The following SLC12A8 variants were observed in gnomAD, a reference collection of about 807,000 sequenced individuals.
SLC12A8 encodes cation-chloride cotransporter 9.
In SLC12A8, 69 loss-of-function variants were observed where a neutral mutation model predicts 75.6. The ratio of observed to expected loss-of-function variants is 0.91; its 90% confidence interval spans 0.75 to 1.11. SLC12A8 has a LOEUF of 1.11. Among genes scored for constraint, SLC12A8 ranks in the 50% most tolerant of loss-of-function variants. The probability of loss-of-function intolerance (pLI) is 0.00; values close to 1 mark genes in which losing one functional copy is unlikely to be tolerated. For synonymous variants in SLC12A8, 365 were observed against 372.8 expected (o/e 0.98, Z 0.24); for missense variants, 877 against 896.7 (o/e 0.98, Z 0.28).
chr3:125,146,215 T>C (rs1285217962), intron 5 of SLC12A8, among the ~76,000 whole-genome samples: 3 of 152,190 alleles, frequency 2.0e-5, no homozygotes, highest in East Asian at 1.9e-4. Context: ...AAAACAAAAC[T>C]GTAGATAAGG....
intron 9 of SLC12A8, among the ~76,000 whole-genome samples, chr3:125,109,559 A>G (rs373606046): frequency 3.3e-4 from 51 of 152,324 alleles, no homozygotes; most frequent in Admixed American, 8.5e-4. Context: ...AATGAACTCT[A>G]GCTTGCAAAC....
chr3:125,211,321 A>G lies in SLC12A8; in HGVS notation c.29T>C (p.Leu10Pro), dbSNP rs1424148924. 3 of 1,613,748 alleles carry G rather than the reference A, an allele frequency of 1.9e-6. No individual in the cohort carries two copies. Among genetic ancestry groups the G allele is most frequent in the Non-Finnish European group, 2.5e-6 (3 of 1,179,990 alleles). ...TACCTGCTGGGCTGCCTCATGGAAG[A>G]GCTCCTGCACCTGGGACATCTGGGT... MTQMSQVQE[L>P]FHEAAQQDAL... Residue 10 changes from leucine (L) to proline (P), a missense_variant, in exon 2 of 14, where the codon CTC becomes CCC. Transcript: ENST00000469902.
At chr3:125,098,934 G>A (rs183910605) in intron 10 of SLC12A8, among the ~76,000 whole-genome samples, 1 of 152,330 alleles carries the variant, frequency 6.6e-6, no homozygotes, top group East Asian at 1.9e-4. Context: ...CAGAAGACCA[G>A]CAGAAATTTA....
intron 4 of SLC12A8, among the ~76,000 whole-genome samples, chr3:125,179,928 A>G (rs1934618142): frequency 6.6e-6 from 1 of 152,210 alleles, no homozygotes; most frequent in Admixed American, 6.5e-5. Flanking sequence ...AAATGTAGCA[A>G]TGGATACCAT....
At chr3:125,204,184 T>G (rs1935182925) in intron 2 of SLC12A8, among the ~76,000 whole-genome samples, 1 of 152,108 alleles carries the variant, frequency 6.6e-6, no homozygotes, top group African/African-American at 2.4e-5. Flanking sequence ...GGAAGCTCAT[T>G]AAAAATTAAA....
At chr3:125,103,506 C>T (rs867010038) in intron 10 of SLC12A8, among the ~76,000 whole-genome samples, 4 of 150,590 alleles carry the variant, frequency 2.7e-5, no homozygotes, top group Middle Eastern at 3.4e-3. Context: ...ACCCTGTCAC[C>T]AAGGCTGGAG....
At chr3:125,189,976 G>A (rs1934875941) in intron 3 of SLC12A8, among the ~76,000 whole-genome samples, 1 of 152,136 alleles carries the variant, frequency 6.6e-6, no homozygotes, top group Non-Finnish European at 1.5e-5. Context: ...TACCTACAGG[G>A]TTGCAGTGTG....
At chr3:125,144,477 C>G (rs867816737) in intron 5 of SLC12A8, among the ~76,000 whole-genome samples, 2 of 152,112 alleles carry the variant, frequency 1.3e-5, no homozygotes, top group Non-Finnish European at 2.9e-5. Context: ...CCCACAGAGC[C>G]CCCACTAGCC....
At chr3:125,130,108 A>G (rs1933315639) in intron 6 of SLC12A8, among the ~76,000 whole-genome samples, 1 of 152,232 alleles carries the variant, frequency 6.6e-6, no homozygotes, top group Non-Finnish European at 1.5e-5. Flanking sequence ...TGTAGTTACA[A>G]TCTATGCGCT....
rs1484927827 is a variant in SLC12A8, at chr3:125,125,201, C to G, written c.737-4515G>C. Among the ~76,000 whole-genome samples the G allele has an allele frequency of 2.8e-4, 42 of 151,680 alleles. 2 individuals are homozygous for G. The highest frequency in any genetic ancestry group is 2.8e-3 in the Admixed American group (42 of 15,244). ...CACAGTTTGGGAAACACTCAGTGCC[C>G]ATTTTATAATTACTATTTGGTCTCG... On this transcript the variant is annotated intron_variant, in intron 6 of 13. Coordinates refer to ENST00000469902, the MANE Select transcript of SLC12A8 (RefSeq NM_024628.6).
At chr3:125,132,049 A>G (rs1180987249) in intron 6 of SLC12A8, among the ~76,000 whole-genome samples, 1 of 152,198 alleles carries the variant, frequency 6.6e-6, no homozygotes, top group Non-Finnish European at 1.5e-5. Flanking sequence ...GAAAGGCCCT[A>G]TGGACAGGAC....
chr3:125,165,888 C>T (rs991986041), intron 5 of SLC12A8, among the ~76,000 whole-genome samples: 1 of 152,184 alleles, frequency 6.6e-6, no homozygotes, highest in African/African-American at 2.4e-5. Flanking sequence ...GGAACAGCCA[C>T]CTGGGGAGAT....
At chr3:125,137,557 G>A (rs1277145448) in intron 5 of SLC12A8, among the ~76,000 whole-genome samples, 1 of 152,110 alleles carries the variant, frequency 6.6e-6, no homozygotes, top group East Asian at 1.9e-4. Context: ...GTGCAGGTCG[G>A]AAAGCACATC....
intron 5 of SLC12A8, among the ~76,000 whole-genome samples, chr3:125,175,158 G>A (rs955432221): frequency 6.6e-6 from 1 of 152,064 alleles, no homozygotes; most frequent in African/African-American, 2.4e-5. Flanking sequence ...GTCATTTGAA[G>A]GAAAAGTAGA....
rs751918111 is a variant in SLC12A8 at position 125,177,864 on chromosome 3, G to T, written c.501C>A (p.Ala167=). 6.2e-7 allele frequency: 1 copy of T among 1,614,200 alleles called. No homozygotes were observed. Among genetic ancestry groups the T allele is most frequent in the South Asian group, 1.1e-5 (1 of 91,084 alleles). The change falls in exon 5 of 14, where the codon GCC becomes GCA. Residue 167 remains alanine (A), a synonymous_variant. Transcript: ENST00000469902. ...VRGISVAVLL[A]LLGINLAGVK... is the part of the protein sequence containing the mutation. ...CACCTGCGAGGTTAATGCCCAGCAA[G>T]GCCAGAAGCACCGCAACTGAAATTC...
chr3:125,194,108 T>A (rs969280591), intron 2 of SLC12A8, among the ~76,000 whole-genome samples: 27 of 152,272 alleles, frequency 1.8e-4, no homozygotes, highest in Non-Finnish European at 3.4e-4. Context: ...AAGGGGCAAA[T>A]CAATCCCTCA....
At chr3:125,104,025 GAA>G (rs1309645828) in intron 10 of SLC12A8, among the ~76,000 whole-genome samples, 57 of 150,818 alleles carry the variant, frequency 3.8e-4, no homozygotes, top group African/African-American at 1.4e-3. Flanking sequence ...AAAAGAGAGA[GAA>G]AGAGAGAGCC....
At chr3:125,137,766 T>C (rs1390784550) in intron 5 of SLC12A8, among the ~76,000 whole-genome samples, 2 of 152,246 alleles carry the variant, frequency 1.3e-5, no homozygotes, top group African/African-American at 4.8e-5. Context: ...TGGGAAGCCT[T>C]TTCTCTGCCC....
intron 8 of SLC12A8, among the ~76,000 whole-genome samples, chr3:125,116,553 T>C (rs1370470872): frequency 6.6e-6 from 1 of 152,190 alleles, no homozygotes; most frequent in Non-Finnish European, 1.5e-5. Context: ...GGCTCTCATG[T>C]GCTGTCTCTG....
Sources: gnomAD v4.1 joint callset for allele counts (sites outside exome capture counted in the v4.1 genomes callset) on GRCh38, gnomAD v4.1.1 for gene constraint, MANE v1.5 for transcripts, NCBI Gene and HGNC (gene_info 2026-07-23, HGNC 2026-07-21) for gene names.